ATG7: variants seen among roughly 807,000 people sequenced by gnomAD.
ATG7 encodes the protein autophagy related 7.
In ATG7, 70 loss-of-function variants were observed where a neutral mutation model predicts 82.4. That is an observed-to-expected ratio of 0.85 (90% CI 0.70 to 1.04). The LOEUF is 1.04. Among genes scored for constraint, ATG7 ranks in the 50% least tolerant of loss-of-function variants. The probability of loss-of-function intolerance (pLI) is 0.00; values close to 1 mark genes in which losing one functional copy is unlikely to be tolerated. For synonymous variants in ATG7, 287 were observed against 313.0 expected, an observed-to-expected ratio of 0.92 and a Z score of 0.88; for missense variants, 792 against 864.3, an observed-to-expected ratio of 0.92 and a Z score of 1.05.
At chr3:11,481,867 C>T (rs2089024602) in intron 20 of ATG7, among the ~76,000 whole-genome samples, 1 of 152,146 alleles carries the variant, frequency 6.6e-6, no homozygotes, top group African/African-American at 2.4e-5. Flanking sequence ...GGAGTGAAGG[C>T]CAAAGGCCTT....
At chr3:11,348,153 C>G in intron 14 of ATG7, 118 bp downstream of exon 14, 1 of 1,370,058 alleles carries the variant, frequency 7.3e-7, no homozygotes, top group Non-Finnish European at 9.9e-7. Flanking sequence ...CTACCAGCCA[C>G]TCGCTATGTG....
intron 1 of ATG7, among the ~76,000 whole-genome samples, chr3:11,274,989 C>T (rs1363369122): frequency 6.6e-6 from 1 of 151,896 alleles, no homozygotes; most frequent in East Asian, 1.9e-4. Context: ...CAGAAAAAGA[C>T]AAGCAGGGGA....
chr3:11,334,826 C>T (rs1041653367), intron 11 of ATG7, among the ~76,000 whole-genome samples: 4 of 151,482 alleles, frequency 2.6e-5, no homozygotes, highest in Non-Finnish European at 4.4e-5. Flanking sequence ...CGTGTGGTGG[C>T]GGGCGTCTGT....
intron 16 of ATG7, among the ~76,000 whole-genome samples, chr3:11,362,265 A>G (rs572871929): frequency 6.6e-6 from 1 of 151,726 alleles, no homozygotes; most frequent in East Asian, 1.9e-4. Context: ...GCCATGTTGT[A>G]GAAAAAAAAA....
intron 10 of ATG7, among the ~76,000 whole-genome samples, chr3:11,332,157 A>G (rs1214287172): frequency 6.9e-6 from 1 of 145,314 alleles, no homozygotes; most frequent in Non-Finnish European, 1.5e-5. Context: ...GAAATGAATA[A>G]TAAATTTAAG....
intron 3 of ATG7, among the ~76,000 whole-genome samples, chr3:11,284,768 G>A: frequency 6.6e-6 from 1 of 151,530 alleles, no homozygotes. Context: ...TGCCTAGAGT[G>A]GTCTTGTCTG....
intron 19 of ATG7, among the ~76,000 whole-genome samples, chr3:11,411,184 CTAAT>C (rs1168692049): frequency 3.3e-5 from 5 of 152,130 alleles, no homozygotes; most frequent in African/African-American, 1.2e-4. Flanking sequence ...TTGCAGTTCT[CTAAT>C]TATCAGTGAT....
chr3:11,409,517 A>C, intron 19 of ATG7, among the ~76,000 whole-genome samples: 1 of 152,202 alleles, frequency 6.6e-6, no homozygotes, highest in Admixed American at 6.5e-5. Flanking sequence ...AGGTGTAATA[A>C]ATGCATTTTA....
intron 20 of ATG7, among the ~76,000 whole-genome samples, chr3:11,497,533 CAAAAAAAAAA>C: frequency 1.3e-5 from 1 of 77,408 alleles, no homozygotes; most frequent in Admixed American, 1.4e-4. Flanking sequence ...GAGACTCCAC[CAAAAAAAAAA>C]AAAAAAAAAA....
chr3:11,392,187 A>G (rs1434012729), intron 19 of ATG7, among the ~76,000 whole-genome samples: 1 of 152,160 alleles, frequency 6.6e-6, no homozygotes, highest in Non-Finnish European at 1.5e-5. Flanking sequence ...TTGAGAGTTT[A>G]AAAGCTTTTT....
chr3:11,425,136 AG>A (rs2082256672), intron 19 of ATG7, among the ~76,000 whole-genome samples: 1 of 151,994 alleles, frequency 6.6e-6, no homozygotes, highest in Admixed American at 6.6e-5. Context: ...CTAATTTTTA[AG>A]TTTTTTTGTG....
In ATG7 at chr3:11,340,749, G is replaced by A; in HGVS notation, c.980+14G>A. ...GGACCCTAAAAGGTATATTTGGGAA[G>A]CTGTTTTCTCCAGTCGGGCTTTTTG... On this transcript the variant is annotated intron_variant, in intron 12 of 20. Coordinates refer to ENST00000693202, the MANE Select transcript of ATG7 (RefSeq NM_001349232.2). 6.2e-7 allele frequency: 1 copy of A among 1,610,356 alleles called. No individual in the cohort carries two copies. The highest frequency in any genetic ancestry group is 8.5e-7 in the Non-Finnish European group (1 of 1,177,334).
chr3:11,511,851 C>T (rs570608194), intron 20 of ATG7, among the ~76,000 whole-genome samples: 31 of 152,328 alleles, frequency 2.0e-4, no homozygotes, highest in East Asian at 1.2e-3. Context: ...GCTAAGTCCC[C>T]CACTGCCTGG....
chr3:11,305,389 A>T (rs1438846044), intron 5 of ATG7, among the ~76,000 whole-genome samples: 3 of 152,182 alleles, frequency 2.0e-5, no homozygotes, highest in Non-Finnish European at 4.4e-5. Flanking sequence ...TATGGCTCTC[A>T]CACACCTGGG....
At position 11,507,952 on chromosome 3, in the gene ATG7, T is replaced by TAA. The variant is rs34637587; in HGVS notation, c.2080-46850_2080-46849dup. ...GGCAACCCTGAACCTTGCTGGTAATTAAAAAAAAAACAAAAAAACAAAAAA... is the reference window on the plus strand; with the variant it reads ...GGCAACCCTGAACCTTGCTGGTAATTAAAAAAAAAAAACAAAAAAACAAAAAA... On this transcript the variant is annotated intron_variant, in intron 20 of 20. Coordinates refer to ENST00000693202, the MANE Select transcript of ATG7 (RefSeq NM_001349232.2). Among the ~76,000 whole-genome samples the TAA allele has an allele frequency of 9.3e-3, 1,376 of 148,108 alleles. 18 individuals are homozygous for TAA. The highest frequency in any genetic ancestry group is 0.032 in the African/African-American group (1,279 of 40,204).
intron 20 of ATG7, among the ~76,000 whole-genome samples, chr3:11,475,079 T>C (rs1383096840): frequency 3.3e-5 from 5 of 151,914 alleles, no homozygotes; most frequent in Non-Finnish European, 7.4e-5. Flanking sequence ...TGGATTGGGT[T>C]ATAGAGGAGT....
At chr3:11,305,795 T>C (rs916412342) in intron 5 of ATG7, among the ~76,000 whole-genome samples, 4 of 152,202 alleles carry the variant, frequency 2.6e-5, no homozygotes, top group Non-Finnish European at 5.9e-5. Flanking sequence ...ATGTCATTCA[T>C]TGCACCCCTT....
At chr3:11,531,409 C>A (rs906652831) in intron 20 of ATG7, among the ~76,000 whole-genome samples, 5 of 152,178 alleles carry the variant, frequency 3.3e-5, no homozygotes, top group Non-Finnish European at 7.3e-5. Context: ...ACCCACCTGG[C>A]AAGGCAAAGC....
At chr3:11,286,793 G>C (rs987560237) in intron 3 of ATG7, among the ~76,000 whole-genome samples, 1 of 151,610 alleles carries the variant, frequency 6.6e-6, no homozygotes, top group Non-Finnish European at 1.5e-5. Context: ...TGGTAGAGAC[G>C]GAATGTTGCC....
Sources: allele counts gnomAD v4.1 joint callset (sites outside exome capture counted in the v4.1 genomes callset), GRCh38; gene constraint gnomAD v4.1.1; transcripts MANE v1.5; gene names NCBI Gene and HGNC (gene_info 2026-07-23, HGNC 2026-07-21).